CEP70: variants seen among roughly 807,000 people sequenced by gnomAD.
CEP70 encodes the protein centrosomal protein 70, also known as centrosomal protein of 70 kDa.
A neutral mutation model predicts 90.9 loss-of-function variants in CEP70; 70 were observed. The ratio of observed to expected loss-of-function variants is 0.77; its 90% confidence interval spans 0.64 to 0.94. CEP70 has a LOEUF of 0.94. Among genes scored for constraint, CEP70 ranks in the 40% least tolerant of loss-of-function variants. The pLI is 0.00. For missense variants in CEP70, 648 were observed against 669.0 expected, an observed-to-expected ratio of 0.97 and a Z score of 0.35; for synonymous variants, 220 against 228.3, an observed-to-expected ratio of 0.96 and a Z score of 0.33.
intron 6 of CEP70, among the ~76,000 whole-genome samples, chr3:138,554,812 C>T (rs1343035720): frequency 3.9e-5 from 6 of 152,136 alleles, no homozygotes; most frequent in African/African-American, 7.2e-5. Context: ...GGATATTAGT[C>T]CTTTGTCGGA....
Position 138,506,697 on chromosome 3 carries a change from A to T in CEP70, c.1051-1232T>A, listed in dbSNP as rs139085922. ...GTTTATTTAGAAGCTTTTTAAGTCC[A>T]AATTAGTATAATTCAATATTTCACT... is the stretch of plus-strand genomic sequence containing the variant. On this transcript the variant is annotated intron_variant, in intron 12 of 17. Coordinates refer to ENST00000264982, the MANE Select transcript of CEP70 (RefSeq NM_024491.4). Among the ~76,000 whole-genome samples, 661 of 152,298 alleles carry T rather than the reference A, an allele frequency of 4.3e-3. 7 individuals carry two copies. The highest frequency in any genetic ancestry group is 0.041 in the Middle Eastern group (12 of 294).
chr3:138,557,591 G>GCC (rs1426546162), intron 6 of CEP70, among the ~76,000 whole-genome samples: 1 of 152,212 alleles, frequency 6.6e-6, no homozygotes, highest in Admixed American at 6.5e-5. Context: ...GCTTCAGCCA[G>GCC]TCCCTCTGTT....
At chr3:138,540,948 T>C (rs1173296734) in intron 6 of CEP70, among the ~76,000 whole-genome samples, 1 of 152,142 alleles carries the variant, frequency 6.6e-6, no homozygotes, top group African/African-American at 2.4e-5. Flanking sequence ...TGCGAGAACA[T>C]GGATGGAGCT....
At chr3:138,554,754 C>T (rs965746828) in intron 6 of CEP70, among the ~76,000 whole-genome samples, 1 of 152,146 alleles carries the variant, frequency 6.6e-6, no homozygotes, top group East Asian at 1.9e-4. Flanking sequence ...ATATACCTAA[C>T]CAAGGAGGTG....
At chr3:138,573,609 G>T (rs2041328931) in intron 2 of CEP70, among the ~76,000 whole-genome samples, 1 of 152,178 alleles carries the variant, frequency 6.6e-6, no homozygotes, top group African/African-American at 2.4e-5. Context: ...GCTGCTTCAT[G>T]CAGAAGACTC....
chr3:138,576,291 G>C (rs2041518990), intron 2 of CEP70, among the ~76,000 whole-genome samples: 1 of 152,038 alleles, frequency 6.6e-6, no homozygotes, highest in African/African-American at 2.4e-5. Flanking sequence ...AAAAAAGCAG[G>C]GGTTGCAATC....
intron 3 of CEP70, among the ~76,000 whole-genome samples, 177 bp from the exon 4 acceptor site, chr3:138,571,533 ATAGAC>A (rs1462257594): frequency 1.3e-5 from 2 of 152,228 alleles, no homozygotes; most frequent in African/African-American, 4.8e-5. Flanking sequence ...AAAATTAGTA[ATAGAC>A]TAGAAGTATG....
chr3:138,546,145 T>C (rs2039179777), intron 6 of CEP70, among the ~76,000 whole-genome samples: 1 of 152,138 alleles, frequency 6.6e-6, no homozygotes, highest in African/African-American at 2.4e-5. Flanking sequence ...CAATATGTGA[T>C]GTCATCCCCG....
chr3:138,570,373 G>C lies in CEP70; in HGVS notation c.410C>G (p.Ala137Gly), dbSNP rs750306271. Reference protein sequence around the residue: ...GELEDESLSRACHQQNKIKDL... With the variant: ...GELEDESLSRGCHQQNKIKDL... ...TTTTATTTTATTCTGTTGGTGGCAA[G>C]CCCTACTTAGTGATTCATCCTCCAA... is the stretch of plus-strand genomic sequence containing the variant. The change falls in exon 6 of 18, where the codon GCT becomes GGT. Residue 137 changes from alanine to glycine, a missense_variant. Coordinates refer to ENST00000264982, the MANE Select transcript of CEP70 (RefSeq NM_024491.4). 5 of 1,604,740 alleles carry C rather than the reference G, an allele frequency of 3.1e-6. No individual in the cohort carries two copies. In the Middle Eastern group the frequency reaches 4.9e-4, roughly 159 times the overall value.
At chr3:138,525,082 C>T (rs1283998544) in intron 11 of CEP70, among the ~76,000 whole-genome samples, 10 of 152,034 alleles carry the variant, frequency 6.6e-5, no homozygotes, top group Non-Finnish European at 1.3e-4. Flanking sequence ...TACTATGCAG[C>T]CATAAAAAAT....
Position 138,521,649 on chromosome 3 carries a change from C to T in CEP70, c.944+3841G>A, listed in dbSNP as rs190649635. Among the ~76,000 whole-genome samples, 706 of 150,056 alleles carry T rather than the reference C, an allele frequency of 4.7e-3. 4 individuals are homozygous for T. The highest frequency in any genetic ancestry group is 0.016 in the African/African-American group (669 of 40,714). On this transcript the variant is annotated intron_variant, in intron 11 of 17. Coordinates refer to ENST00000264982, the MANE Select transcript of CEP70 (RefSeq NM_024491.4). ...GAGGTGAGGAGTGCCTCTGCCCGGCCGCGACCCCGTCTGGGAACTGAGGAG... is the reference window on the plus strand; with the variant it reads ...GAGGTGAGGAGTGCCTCTGCCCGGCTGCGACCCCGTCTGGGAACTGAGGAG...
intron 2 of CEP70, among the ~76,000 whole-genome samples, chr3:138,588,972 T>C (rs1420826971): frequency 6.6e-6 from 1 of 152,178 alleles, no homozygotes; most frequent in Non-Finnish European, 1.5e-5. Flanking sequence ...AAATAGTACA[T>C]ACTATAACAT....
chr3:138,572,984 C>A, intron 2 of CEP70, 52 bp from the exon 3 acceptor site: 3 of 1,304,850 alleles, frequency 2.3e-6, no homozygotes, highest in Non-Finnish European at 3.3e-6. Context: ...ATTTGAGTTG[C>A]CTAAATGAAA....
chr3:138,537,861 GA>G (rs1300744880), intron 6 of CEP70, among the ~76,000 whole-genome samples: 2 of 152,034 alleles, frequency 1.3e-5, no homozygotes, highest in African/African-American at 4.8e-5. Flanking sequence ...TCCCCCAACA[GA>G]AAACCAAAAA....
intron 11 of CEP70, among the ~76,000 whole-genome samples, chr3:138,514,523 C>A (rs1007684822): frequency 6.6e-6 from 1 of 151,972 alleles, no homozygotes; most frequent in African/African-American, 2.4e-5. Context: ...AATTATTTCC[C>A]CAGCATCAGT....
chr3:138,531,696 T>C (rs1167825952), intron 8 of CEP70: 28 of 122,944 alleles, frequency 2.3e-4, no homozygotes, highest in African/African-American at 8.8e-4. Flanking sequence ...CTTCTTCTTT[T>C]CCTTTTTTTT....
At chr3:138,591,830 A>T in intron 2 of CEP70, 24 bp downstream of exon 2, 1 of 1,529,730 alleles carries the variant, frequency 6.5e-7, no homozygotes, top group South Asian at 1.2e-5. Flanking sequence ...CAACATCTGG[A>T]GTCATCCGTT....
chr3:138,518,049 T>A (rs2036220188), intron 11 of CEP70, among the ~76,000 whole-genome samples: 1 of 152,212 alleles, frequency 6.6e-6, no homozygotes, highest in Non-Finnish European at 1.5e-5. Context: ...CGCACCTGGC[T>A]TGGAGGGTCC....
At chr3:138,574,208 T>C (rs188090322) in intron 2 of CEP70, among the ~76,000 whole-genome samples, 113 of 152,330 alleles carry the variant, frequency 7.4e-4, no homozygotes, top group Non-Finnish European at 1.5e-3. Flanking sequence ...CGTGACAGAC[T>C]GTACCAGGAA....
Sources: gnomAD v4.1 joint callset for allele counts (sites outside exome capture counted in the v4.1 genomes callset) on GRCh38, gnomAD v4.1.1 for gene constraint, MANE v1.5 for transcripts, NCBI Gene and HGNC (gene_info 2026-07-23, HGNC 2026-07-21) for gene names.